Variants in PLPPR1 observed in about 807,000 individuals in gnomAD.
PLPPR1 encodes the protein phospholipid phosphatase-related protein type 1.
Under a neutral mutation model 33.1 loss-of-function variants are expected in PLPPR1, and 10 were observed. That is an observed-to-expected ratio of 0.30 (90% CI 0.19 to 0.51). The LOEUF (loss-of-function observed/expected upper bound fraction) is 0.51, where lower values mean the gene tolerates loss of function less well. Among genes scored for constraint, PLPPR1 ranks in the 20% least tolerant of loss-of-function variants. The pLI is 0.97. For missense variants in PLPPR1, 304 were observed against 408.1 expected (o/e 0.74, Z 2.20); for synonymous variants, 151 against 151.0 (o/e 1.00, Z 0.00).
chr9:101,207,689 A>C lies in PLPPR1; in HGVS notation c.63+22132A>C, dbSNP rs988933805. Among the ~76,000 whole-genome samples the C allele has an allele frequency of 3.9e-5, 6 of 152,232 alleles. No homozygotes were observed. The South Asian group carries it at 1.2e-3, about 31-fold the overall frequency. ...TGGACTGTATTTTGGCATATGAAGT[A>C]GTCAAAGACAATTCCTGATAGAACC... On this transcript the variant is annotated intron_variant, in intron 2 of 7. Coordinates refer to ENST00000374874, the MANE Select transcript of PLPPR1 (RefSeq NM_207299.2).
chr9:101,218,095 TATC>T (rs968798344), intron 2 of PLPPR1, among the ~76,000 whole-genome samples: 3 of 152,100 alleles, frequency 2.0e-5, no homozygotes, highest in African/African-American at 7.2e-5. Context: ...ACCACATAAA[TATC>T]ATATAACACA....
intron 1 of PLPPR1, among the ~76,000 whole-genome samples, chr9:101,155,884 G>A (rs987270435): frequency 2.0e-5 from 3 of 152,350 alleles, no homozygotes; most frequent in Non-Finnish European, 4.4e-5. Flanking sequence ...ACAGGCATGA[G>A]CCACTGGCTG....
chr9:101,153,043 C>T (rs1222256467), intron 1 of PLPPR1, among the ~76,000 whole-genome samples: 1 of 152,178 alleles, frequency 6.6e-6, no homozygotes, highest in Non-Finnish European at 1.5e-5. Context: ...AGGGAATGTT[C>T]TTCCATTTGT....
At chr9:101,287,431 T>G (rs975325926) in intron 4 of PLPPR1, among the ~76,000 whole-genome samples, 2 of 152,218 alleles carry the variant, frequency 1.3e-5, no homozygotes, top group African/African-American at 4.8e-5. Flanking sequence ...AAGAGAATAT[T>G]TATGATACAG....
intron 2 of PLPPR1, among the ~76,000 whole-genome samples, chr9:101,216,144 G>T (rs1047314658): frequency 1.3e-5 from 2 of 151,964 alleles, no homozygotes; most frequent in African/African-American, 4.8e-5. Flanking sequence ...CTACATCCTT[G>T]CCAGTATTTG....
At position 101,029,084 on chromosome 9, in the gene PLPPR1, G is replaced by C. The variant is rs1279186369; in HGVS notation, c.-64G>C. The C allele has an allele frequency of 1.3e-5, 2 of 152,814 alleles. No homozygotes were observed. Among genetic ancestry groups the C allele is most frequent in the Non-Finnish European group, 2.9e-5 (2 of 68,330 alleles). 9.5% of individuals were successfully genotyped at this position (152,814 alleles called of 1,614,324 possible). A position where few individuals can be genotyped will look rare whatever the true frequency, so the allele number is the denominator to read the frequency against. ...GGACGGCCCAGTAGGGCGCACTGGAGGACGCTCCGCTGCGGGAGGTGAGTG... is the reference window on the plus strand; with the variant it reads ...GGACGGCCCAGTAGGGCGCACTGGACGACGCTCCGCTGCGGGAGGTGAGTG... On this transcript the variant is annotated 5_prime_UTR_variant, in exon 1 of 8. Coordinates refer to ENST00000374874, the MANE Select transcript of PLPPR1 (RefSeq NM_207299.2).
intron 1 of PLPPR1, among the ~76,000 whole-genome samples, chr9:101,030,095 A>G (rs1339661018): frequency 2.0e-5 from 3 of 151,996 alleles, no homozygotes; most frequent in African/African-American, 7.2e-5. Flanking sequence ...GCCCGACGGA[A>G]AAGGTCCTGA....
At chr9:101,116,252 T>A (rs1462568033) in intron 1 of PLPPR1, among the ~76,000 whole-genome samples, 1 of 152,158 alleles carries the variant, frequency 6.6e-6, no homozygotes, top group Non-Finnish European at 1.5e-5. Flanking sequence ...GTTTTTTAAG[T>A]TTTTTTCTGA....
intron 1 of PLPPR1, among the ~76,000 whole-genome samples, chr9:101,172,574 C>T (rs749360630): frequency 2.0e-4 from 30 of 152,076 alleles, no homozygotes; most frequent in African/African-American, 6.3e-4. Flanking sequence ...TTCTCTTAGA[C>T]GGTTTCTCTC....
At chr9:101,047,439 C>T (rs770200224) in intron 1 of PLPPR1, among the ~76,000 whole-genome samples, 11 of 152,130 alleles carry the variant, frequency 7.2e-5, no homozygotes, top group South Asian at 2.1e-4. Flanking sequence ...TATATCTGAG[C>T]GCTGTGTGAA....
At chr9:101,163,481 A>G (rs1825800188) in intron 1 of PLPPR1, among the ~76,000 whole-genome samples, 1 of 152,192 alleles carries the variant, frequency 6.6e-6, no homozygotes, top group African/African-American at 2.4e-5. Context: ...CTGTCAGACT[A>G]AAACTAGTGC....
intron 5 of PLPPR1, among the ~76,000 whole-genome samples, chr9:101,312,034 C>T (rs948371750): frequency 6.6e-6 from 1 of 152,188 alleles, no homozygotes; most frequent in South Asian, 2.1e-4. Flanking sequence ...TAATAACAGC[C>T]GCCTACATCT....
intron 1 of PLPPR1, among the ~76,000 whole-genome samples, chr9:101,112,104 A>G (rs1352570435): frequency 2.0e-5 from 3 of 152,232 alleles, no homozygotes; most frequent in Non-Finnish European, 4.4e-5. Flanking sequence ...ATATTTAAAG[A>G]CAATGCAGTT....
At chr9:101,063,935 A>G (rs772961525) in intron 1 of PLPPR1, among the ~76,000 whole-genome samples, 5 of 152,078 alleles carry the variant, frequency 3.3e-5, no homozygotes, top group Admixed American at 6.6e-5. Flanking sequence ...CTTTTACACT[A>G]TTGAATTCCT....
intron 1 of PLPPR1, among the ~76,000 whole-genome samples, chr9:101,072,061 GA>G: frequency 6.6e-6 from 1 of 152,272 alleles, no homozygotes; most frequent in Middle Eastern, 3.4e-3. Flanking sequence ...TGGACAATGG[GA>G]TAGAGAGAGA....
intron 1 of PLPPR1, among the ~76,000 whole-genome samples, chr9:101,156,316 A>C (rs1419316258): frequency 6.6e-6 from 1 of 152,066 alleles, no homozygotes; most frequent in African/African-American, 2.4e-5. Flanking sequence ...TTGAGAGGCC[A>C]AGGCAGATGG....
intron 2 of PLPPR1, among the ~76,000 whole-genome samples, chr9:101,266,625 A>G (rs145696540): frequency 0.017 from 2,553 of 152,234 alleles, 28 homozygotes; most frequent in Middle Eastern, 0.082. Context: ...TAAACTTTTA[A>G]TTTATCCAGT....
intron 1 of PLPPR1, among the ~76,000 whole-genome samples, chr9:101,156,489 T>G (rs1420999023): frequency 1.4e-5 from 2 of 140,934 alleles, no homozygotes; most frequent in African/African-American, 5.4e-5. Flanking sequence ...AGGCAGAAGT[T>G]GCAGTGAGCC....
intron 2 of PLPPR1, among the ~76,000 whole-genome samples, chr9:101,201,566 A>G (rs941630274): frequency 2.0e-5 from 3 of 152,160 alleles, no homozygotes; most frequent in African/African-American, 7.2e-5. Flanking sequence ...TCTAAACTAT[A>G]AAAAGGTAAT....
Sources: gnomAD v4.1 joint callset for allele counts (sites outside exome capture counted in the v4.1 genomes callset) on GRCh38, gnomAD v4.1.1 for gene constraint, MANE v1.5 for transcripts, NCBI Gene and HGNC (gene_info 2026-07-23, HGNC 2026-07-21) for gene names.